The following MACROD2 variants were observed in gnomAD, a reference collection of about 807,000 sequenced individuals.
MACROD2 encodes the protein mono-ADP ribosylhydrolase 2.
In MACROD2, 36 loss-of-function variants were observed where a neutral mutation model predicts 70.4. The observed-to-expected ratio is 0.51, with a 90% confidence interval of 0.39 to 0.68. The LOEUF (loss-of-function observed/expected upper bound fraction) is 0.68. Among genes scored for constraint, MACROD2 ranks in the 30% least tolerant of loss-of-function variants. The pLI, the probability that MACROD2 is intolerant of heterozygous loss-of-function variation, is 0.00. For missense variants in MACROD2, 496 were observed against 538.4 expected (o/e 0.92, Z 0.78); for synonymous variants, 172 against 178.8 (o/e 0.96, Z 0.30).
At chr20:14,959,582 G>T (rs111483751) in intron 5 of MACROD2, among the ~76,000 whole-genome samples, 3,482 of 152,020 alleles carry the variant, frequency 0.023, 52 homozygotes, top group Non-Finnish European at 0.037. Context: ...AACACAAGGG[G>T]ATAACATGCC....
At chr20:15,336,236 A>G (rs1461198069) in intron 6 of MACROD2, among the ~76,000 whole-genome samples, 2 of 151,584 alleles carry the variant, frequency 1.3e-5, no homozygotes, top group Non-Finnish European at 2.9e-5. Flanking sequence ...CGCAGGTAGC[A>G]CTGTGCTTTT....
At chr20:14,961,108 T>G (rs1054185726) in intron 5 of MACROD2, among the ~76,000 whole-genome samples, 4 of 152,164 alleles carry the variant, frequency 2.6e-5, no homozygotes, top group Non-Finnish European at 5.9e-5. Context: ...ACTCATTATA[T>G]AGAGAGAGAA....
chr20:14,717,195 A>G (rs1055758504), intron 5 of MACROD2, among the ~76,000 whole-genome samples: 61 of 152,294 alleles, frequency 4.0e-4, no homozygotes, highest in Middle Eastern at 3.4e-3. Context: ...AAAACAGAAT[A>G]TAGAAAATAA....
chr20:14,960,812 AC>A (rs1334896671), intron 5 of MACROD2, among the ~76,000 whole-genome samples: 2 of 151,964 alleles, frequency 1.3e-5, no homozygotes, highest in Admixed American at 6.6e-5. Flanking sequence ...CTATCCACAC[AC>A]TTTTTTAGTG....
At chr20:15,790,533 T>A (rs2063614341) in intron 8 of MACROD2, among the ~76,000 whole-genome samples, 1 of 151,918 alleles carries the variant, frequency 6.6e-6, no homozygotes, top group African/African-American at 2.4e-5. Flanking sequence ...AGAGTCAGAT[T>A]ATCCAGGAGG....
At chr20:15,466,441 T>G (rs2046890064) in intron 7 of MACROD2, among the ~76,000 whole-genome samples, 1 of 152,208 alleles carries the variant, frequency 6.6e-6, no homozygotes, top group South Asian at 2.1e-4. Flanking sequence ...CAAGATGGTG[T>G]GATTCATTTA....
At chr20:14,581,412 C>A (rs941987671) in intron 4 of MACROD2, among the ~76,000 whole-genome samples, 1 of 152,198 alleles carries the variant, frequency 6.6e-6, no homozygotes, top group Non-Finnish European at 1.5e-5. Flanking sequence ...ACTGATTTAA[C>A]CACTTGCAAT....
At chr20:15,956,885 GA>G (rs2065984751) in intron 12 of MACROD2, among the ~76,000 whole-genome samples, 1 of 152,068 alleles carries the variant, frequency 6.6e-6, no homozygotes, top group African/African-American at 2.4e-5. Flanking sequence ...GTTTGAAAAA[GA>G]AAAAAATACT....
chr20:14,399,978 A>G (rs1467566526), intron 3 of MACROD2, among the ~76,000 whole-genome samples: 2 of 152,292 alleles, frequency 1.3e-5, no homozygotes, highest in East Asian at 3.9e-4. Flanking sequence ...ACTTGGATGT[A>G]CAGAATATAG....
intron 5 of MACROD2, among the ~76,000 whole-genome samples, chr20:15,024,669 G>A (rs868463715): frequency 5.9e-5 from 9 of 151,830 alleles, no homozygotes; most frequent in East Asian, 1.9e-4. Context: ...CTAAACAAAC[G>A]AAATACAAAG....
At chr20:15,881,084 A>G (rs995419711) in intron 9 of MACROD2, among the ~76,000 whole-genome samples, 1 of 152,100 alleles carries the variant, frequency 6.6e-6, no homozygotes, top group Non-Finnish European at 1.5e-5. Context: ...GAGGGAAAAG[A>G]TTGCTAACCT....
At chr20:15,604,226 G>T (rs1025804573) in intron 8 of MACROD2, among the ~76,000 whole-genome samples, 20 of 152,228 alleles carry the variant, frequency 1.3e-4, no homozygotes, top group Non-Finnish European at 2.8e-4. Context: ...CAAACTCAGT[G>T]CAGAGGAGGA....
At chr20:14,375,000 A>G (rs1385796630) in intron 3 of MACROD2, among the ~76,000 whole-genome samples, 1 of 152,154 alleles carries the variant, frequency 6.6e-6, no homozygotes, top group Non-Finnish European at 1.5e-5. Flanking sequence ...ATATCCAAAT[A>G]CCTTTATTTA....
intron 5 of MACROD2, among the ~76,000 whole-genome samples, chr20:15,037,232 A>G (rs1221572022): frequency 6.6e-6 from 1 of 152,154 alleles, no homozygotes; most frequent in Non-Finnish European, 1.5e-5. Context: ...ACTCTAAGTC[A>G]GTTGCCGCCT....
chr20:14,646,710 A>G (rs1180539973), intron 4 of MACROD2, among the ~76,000 whole-genome samples: 1 of 152,078 alleles, frequency 6.6e-6, no homozygotes, highest in Non-Finnish European at 1.5e-5. Flanking sequence ...GTTTATTTTT[A>G]ACATAATGGT....
chr20:15,566,598 C>G (rs1024896767), intron 8 of MACROD2, among the ~76,000 whole-genome samples: 1 of 152,002 alleles, frequency 6.6e-6, no homozygotes, highest in African/African-American at 2.4e-5. Flanking sequence ...CAGTCTCATA[C>G]GTTCCCTTCT....
chr20:15,152,822 A>G (rs199291), intron 5 of MACROD2, among the ~76,000 whole-genome samples: 89,267 of 151,802 alleles, frequency 0.59, 26,499 homozygotes, highest in East Asian at 0.65. Flanking sequence ...TCCCTAGTCC[A>G]TGACTGGCAC....
intron 8 of MACROD2, among the ~76,000 whole-genome samples, chr20:15,775,805 G>A (rs921928968): frequency 6.6e-6 from 1 of 152,126 alleles, no homozygotes; most frequent in African/African-American, 2.4e-5. Flanking sequence ...TATTTCTTGA[G>A]CTTCAGGAAG....
chr20:15,152,495 A>AAGGGATCGGGGCACAGAGATAAGAAGTTG (rs1351354651), intron 5 of MACROD2, among the ~76,000 whole-genome samples: 4 of 144,494 alleles, frequency 2.8e-5, no homozygotes, highest in Admixed American at 2.1e-4. Flanking sequence ...ATAAGAGGTT[A>AAGGGATCGGGGCACAGAGATAAGAAGTTG]GGGCATGGAA....
Sources: allele counts gnomAD v4.1 joint callset (sites outside exome capture counted in the v4.1 genomes callset), GRCh38; gene constraint gnomAD v4.1.1; transcripts MANE v1.5; gene names NCBI Gene and HGNC (gene_info 2026-07-23, HGNC 2026-07-21).